Variants in TRAP1 observed in about 807,000 individuals in gnomAD.
TRAP1 encodes heat shock protein 75 kDa, mitochondrial.
In TRAP1, 102 loss-of-function variants were observed where a neutral mutation model predicts 89.1. The ratio of observed to expected loss-of-function variants is 1.15; its 90% CI spans 0.98 to 1.35. The LOEUF (loss-of-function observed/expected upper bound fraction) is 1.35, where lower values mean the gene tolerates loss of function less well. Among genes scored for constraint, TRAP1 ranks in the 40% most tolerant of loss-of-function variants. The pLI is 0.00. For missense variants in TRAP1, 1,256 were observed against 945.3 expected (o/e 1.33, Z -4.31); for synonymous variants, 508 against 388.0 (o/e 1.31, Z -3.64).
intron 2 of TRAP1, among the ~76,000 whole-genome samples, chr16:3,690,520 G>T (rs1029540941): frequency 1.3e-5 from 2 of 152,158 alleles, no homozygotes; most frequent in South Asian, 2.1e-4. Flanking sequence ...CGCAGACTGG[G>T]CCAATGCTGA....
chr16:3,710,968 C>G (rs1436721607), intron 1 of TRAP1, among the ~76,000 whole-genome samples: 1 of 147,160 alleles, frequency 6.8e-6, no homozygotes, highest in Non-Finnish European at 1.5e-5. Context: ...CTTCTCAAGG[C>G]TTAAGGGAGC....
chr16:3,662,264 C>G, intron 15 of TRAP1, 132 bp from the exon 16 acceptor site: 1 of 1,080,206 alleles, frequency 9.3e-7, no homozygotes, highest in Non-Finnish European at 1.3e-6. Flanking sequence ...CCTGGACCAG[C>G]GCTGCTCCCT....
At chr16:3,706,046 C>G (rs1206386094) in intron 1 of TRAP1, among the ~76,000 whole-genome samples, 17 of 149,346 alleles carry the variant, frequency 1.1e-4, no homozygotes, top group African/African-American at 4.0e-4. Flanking sequence ...GTGGTGTAAT[C>G]TCCGCTCACT....
chr16:3,697,776 A>C (rs2051309421), intron 1 of TRAP1, among the ~76,000 whole-genome samples: 1 of 150,856 alleles, frequency 6.6e-6, no homozygotes, highest in South Asian at 2.1e-4. Flanking sequence ...TTTTTCCCCA[A>C]TTAATATGCA....
intron 4 of TRAP1, among the ~76,000 whole-genome samples, chr16:3,684,459 A>T (rs778815187): frequency 6.6e-6 from 1 of 152,154 alleles, no homozygotes; most frequent in African/African-American, 2.4e-5. Context: ...CTTTTCTAAA[A>T]CTTTAGGTAA....
intron 1 of TRAP1, among the ~76,000 whole-genome samples, chr16:3,695,377 C>T (rs1229172944): frequency 6.6e-6 from 1 of 151,742 alleles, no homozygotes; most frequent in Non-Finnish European, 1.5e-5. Context: ...ACTCAAAAAA[C>T]AAACCATTAC....
At chr16:3,680,445 C>A (rs1330051253) in intron 4 of TRAP1, among the ~76,000 whole-genome samples, 1 of 152,250 alleles carries the variant, frequency 6.6e-6, no homozygotes, top group Non-Finnish European at 1.5e-5. Context: ...TTCTGGGGAA[C>A]AGTGATCCCC....
chr16:3,671,846 A>G, intron 10 of TRAP1, 55 bp from the exon 11 acceptor site: 3 of 1,563,724 alleles, frequency 1.9e-6, no homozygotes, highest in Middle Eastern at 1.7e-4. Flanking sequence ...ACACCACCCA[A>G]CATTCCCCAT....
intron 1 of TRAP1, among the ~76,000 whole-genome samples, chr16:3,706,008 T>C (rs2051439430): frequency 6.6e-6 from 1 of 151,130 alleles, no homozygotes; most frequent in African/African-American, 2.4e-5. Flanking sequence ...TTTCTTTTTT[T>C]TTTTTTGAGA....
chr16:3,716,958 A>G (rs2051605513), intron 1 of TRAP1, among the ~76,000 whole-genome samples: 1 of 152,226 alleles, frequency 6.6e-6, no homozygotes, highest in African/African-American at 2.4e-5. Context: ...TGAACGAATT[A>G]ACAAATGAAC....
intron 4 of TRAP1, among the ~76,000 whole-genome samples, chr16:3,685,618 C>T (rs777786287): frequency 4.6e-5 from 7 of 152,184 alleles, no homozygotes; most frequent in Non-Finnish European, 1.0e-4. Flanking sequence ...GCTACAGCAG[C>T]AGCCACAGCA....
At chr16:3,666,326 A>ACCCC (rs2050828707) in intron 11 of TRAP1, among the ~76,000 whole-genome samples, 1 of 151,638 alleles carries the variant, frequency 6.6e-6, no homozygotes. Flanking sequence ...GAGGGCAGAC[A>ACCCC]CCCCCTGGAG....
intron 5 of TRAP1, among the ~76,000 whole-genome samples, chr16:3,679,295 G>A (rs2051042806): frequency 6.6e-6 from 1 of 151,826 alleles, no homozygotes; most frequent in African/African-American, 2.4e-5. Flanking sequence ...ACCAGCCAAG[G>A]ATCGAAAATA....
intron 1 of TRAP1, among the ~76,000 whole-genome samples, chr16:3,710,879 A>ATATATATATATATT (rs71133652): frequency 7.9e-6 from 1 of 125,834 alleles, no homozygotes; most frequent in Non-Finnish European, 1.6e-5. Flanking sequence ...ATATATATAT[A>ATATATATATATATT]TTTTTTTTTT....
At chr16:3,699,747 AG>A (rs1486001858) in intron 1 of TRAP1, among the ~76,000 whole-genome samples, 2 of 151,776 alleles carry the variant, frequency 1.3e-5, no homozygotes, top group East Asian at 3.9e-4. Context: ...GGCTCACTGC[AG>A]TCTTGAACTC....
intron 17 of TRAP1, chr16:3,658,501 GTGAAAACCCCA>G: frequency 1.8e-6 from 1 of 570,292 alleles, no homozygotes; most frequent in Non-Finnish European, 3.1e-6. Flanking sequence ...GGCCAAGATG[GTGAAAACCCCA>G]TCTCTACTAA....
intron 7 of TRAP1, among the ~76,000 whole-genome samples, 179 bp from the exon 8 acceptor site, chr16:3,675,576 G>T (rs959928426): frequency 5.3e-5 from 8 of 152,142 alleles, no homozygotes; most frequent in African/African-American, 1.9e-4. Flanking sequence ...TCTCACGGGG[G>T]CAGCAGCGGA....
chr16:3,713,586 G>A (rs573011778), intron 1 of TRAP1, among the ~76,000 whole-genome samples: 1 of 152,352 alleles, frequency 6.6e-6, no homozygotes, highest in Non-Finnish European at 1.5e-5. Flanking sequence ...GTCATGTTCT[G>A]GCAATTTCAC....
intron 7 of TRAP1, 34 bp downstream of exon 7, chr16:3,676,002 C>A (rs1412683662): frequency 6.3e-7 from 1 of 1,579,184 alleles, no homozygotes; most frequent in Admixed American, 1.7e-5. Context: ...ACACATGGAT[C>A]CCAGAGTGAG....
Sources: gnomAD v4.1 joint callset for allele counts (sites outside exome capture counted in the v4.1 genomes callset) on GRCh38, gnomAD v4.1.1 for gene constraint, MANE v1.5 for transcripts, NCBI Gene and HGNC (gene_info 2026-07-23, HGNC 2026-07-21) for gene names.